Variants in MTUS2 observed in about 807,000 individuals in gnomAD.
MTUS2 encodes microtubule associated scaffold protein 2.
In MTUS2, 40 loss-of-function variants were observed where a neutral mutation model predicts 114.1. The ratio of observed to expected loss-of-function variants is 0.35; its 90% CI spans 0.27 to 0.46. The LOEUF (loss-of-function observed/expected upper bound fraction) is 0.46. Ranked by LOEUF, MTUS2 falls within the 20% of genes least tolerant of loss-of-function variation. The pLI is 1.00. For synonymous variants in MTUS2, 688 were observed against 672.0 expected (o/e 1.02, Z -0.37); for missense variants, 1,679 against 1,705.4 (o/e 0.98, Z 0.27).
intron 8 of MTUS2, among the ~76,000 whole-genome samples, chr13:29,419,260 G>T (rs1396769886): frequency 3.3e-5 from 5 of 152,172 alleles, no homozygotes; most frequent in Non-Finnish European, 7.3e-5. Context: ...AAGAGGAGTG[G>T]CAGGGTGGAT....
intron 4 of MTUS2, among the ~76,000 whole-genome samples, chr13:29,063,244 A>G (rs1468350520): frequency 6.6e-6 from 1 of 152,210 alleles, no homozygotes; most frequent in Non-Finnish European, 1.5e-5. Flanking sequence ...AACACATTGT[A>G]TAAAAATTGT....
chr13:28,890,999 G>T (rs1878886859), intron 2 of MTUS2, among the ~76,000 whole-genome samples: 2 of 152,168 alleles, frequency 1.3e-5, no homozygotes, highest in African/African-American at 4.8e-5. Flanking sequence ...GAAGAAAGCT[G>T]TCATGTTTCC....
intron 5 of MTUS2, among the ~76,000 whole-genome samples, chr13:29,117,546 G>T (rs1228812966): frequency 6.6e-6 from 1 of 152,124 alleles, no homozygotes; most frequent in African/African-American, 2.4e-5. Flanking sequence ...TCCCATTCCT[G>T]TGCATGAGTG....
intron 4 of MTUS2, among the ~76,000 whole-genome samples, chr13:29,038,566 G>C (rs1044407722): frequency 1.3e-5 from 2 of 152,240 alleles, no homozygotes; most frequent in African/African-American, 4.8e-5. Context: ...GAGCTCCAGC[G>C]CTGTGCTGGG....
At chr13:29,255,672 T>C (rs1246876473) in intron 5 of MTUS2, among the ~76,000 whole-genome samples, 1 of 150,248 alleles carries the variant, frequency 6.7e-6, no homozygotes, top group Admixed American at 6.7e-5. Context: ...GACTCACAAC[T>C]CCTATCTATG....
rs1593285378 is a variant in MTUS2, at chr13:29,307,540, TATG to T, written c.2807-17068_2807-17066del. On this transcript the variant is annotated intron_variant, in intron 6 of 15. Transcript: ENST00000612955. ...CTGCTGTCTTGAAAAACCTGCCAAA[TATG>T]ATGACATCAAGAAGGTGGTAAAGCA... The T allele has an allele frequency of 4.0e-6, 5 of 1,250,506 alleles. No homozygotes were observed. In the East Asian group the frequency reaches 9.4e-5, roughly 24 times the overall value. 77.5% of individuals were successfully genotyped at this position (1,250,506 alleles called of 1,614,324 possible).
At position 29,264,046 on chromosome 13, in the gene MTUS2, A is replaced by G. The variant is rs137991358; in HGVS notation, c.2645-17658A>G. On this transcript the variant is annotated intron_variant, in intron 5 of 15. Transcript: ENST00000612955. ...ACGTCCCTTCCACTGATGAGCCTGT[A>G]AAATAAAAAACAAATTATCGACTTC... Among the ~76,000 whole-genome samples, 7 of 152,362 alleles carry G rather than the reference A, an allele frequency of 4.6e-5. No individual in the cohort carries two copies. The East Asian group carries it at 1.2e-3, about 25-fold the overall frequency.
chr13:28,966,747 A>AAC (rs1202458672), intron 2 of MTUS2, among the ~76,000 whole-genome samples: 1 of 145,594 alleles, frequency 6.9e-6, no homozygotes, highest in Admixed American at 7.0e-5. Context: ...AAAAAAAAAA[A>AAC]ACAAAGAACT....
chr13:29,074,667 C>T (rs1023507184), intron 4 of MTUS2, among the ~76,000 whole-genome samples: 1 of 152,080 alleles, frequency 6.6e-6, no homozygotes, highest in Non-Finnish European at 1.5e-5. Flanking sequence ...ACTGACACTA[C>T]GAGTGCTTCT....
chr13:29,266,003 C>T (rs978170542), intron 5 of MTUS2, among the ~76,000 whole-genome samples: 11 of 152,152 alleles, frequency 7.2e-5, no homozygotes, highest in African/African-American at 2.7e-4. Context: ...AGGGTTGCCT[C>T]TTCCGAGCCA....
At chr13:28,829,736 C>T (rs1185503590) in intron 1 of MTUS2, among the ~76,000 whole-genome samples, 1 of 152,218 alleles carries the variant, frequency 6.6e-6, no homozygotes, top group African/African-American at 2.4e-5. Context: ...TTTAACCTCT[C>T]AGCTGCCTGA....
At chr13:28,971,380 G>A (rs781221277) in intron 2 of MTUS2, among the ~76,000 whole-genome samples, 19 of 152,166 alleles carry the variant, frequency 1.2e-4, no homozygotes, top group Non-Finnish European at 1.8e-4. Flanking sequence ...ATGGTCTGGT[G>A]AGCCAAGTAC....
At chr13:29,183,885 G>T (rs552073164) in intron 5 of MTUS2, among the ~76,000 whole-genome samples, 2 of 152,226 alleles carry the variant, frequency 1.3e-5, no homozygotes, top group African/African-American at 4.8e-5. Flanking sequence ...TTCCAGGTCT[G>T]TATAAAGGAA....
intron 8 of MTUS2, among the ~76,000 whole-genome samples, chr13:29,383,072 T>C (rs146659683): frequency 1.1e-3 from 162 of 152,084 alleles, no homozygotes; most frequent in African/African-American, 3.6e-3. Context: ...GGCCACAGAG[T>C]CTAGCCACTT....
chr13:29,107,306 A>G (rs1890709923), intron 5 of MTUS2, among the ~76,000 whole-genome samples: 1 of 152,084 alleles, frequency 6.6e-6, no homozygotes, highest in South Asian at 2.1e-4. Flanking sequence ...TAATTTTAGT[A>G]TCTCTCACAC....
At chr13:29,290,679 C>T (rs990173012) in intron 6 of MTUS2, among the ~76,000 whole-genome samples, 7 of 152,188 alleles carry the variant, frequency 4.6e-5, no homozygotes, top group Admixed American at 3.3e-4. Context: ...GTTCCCTCTT[C>T]CTCTCCTTTC....
intron 2 of MTUS2, among the ~76,000 whole-genome samples, chr13:28,846,401 A>T (rs1382576701): frequency 6.6e-6 from 1 of 152,222 alleles, no homozygotes; most frequent in Middle Eastern, 3.2e-3. Context: ...GAGGCATTTC[A>T]GTTCACTCAA....
intron 7 of MTUS2, among the ~76,000 whole-genome samples, chr13:29,340,124 G>A (rs2138112837): frequency 6.6e-6 from 1 of 152,310 alleles, no homozygotes; most frequent in East Asian, 1.9e-4. Flanking sequence ...CCAGGCCGGT[G>A]CCTCGCGGAA....
rs567404669 is a variant in MTUS2 at position 29,045,420 on chromosome 13, C to G, written c.2446+11295C>G. Among the ~76,000 whole-genome samples the G allele has an allele frequency of 3.3e-5, 5 of 152,274 alleles. No homozygotes were observed. The South Asian group carries it at 8.3e-4, about 25-fold the overall frequency. On this transcript the variant is annotated intron_variant, in intron 4 of 15. Transcript: ENST00000612955. Reference sequence around the variant, plus strand: ...ATTCATGAGGGCCCCACTCTCAGGACCTAATCACCTCTCAAAGGCCCCACT... The same window carrying G: ...ATTCATGAGGGCCCCACTCTCAGGAGCTAATCACCTCTCAAAGGCCCCACT...
Sources: allele counts gnomAD v4.1 joint callset (sites outside exome capture counted in the v4.1 genomes callset), GRCh38; gene constraint gnomAD v4.1.1; transcripts MANE v1.5; gene names NCBI Gene and HGNC (gene_info 2026-07-23, HGNC 2026-07-21).